The following NR3C2 variants were observed in gnomAD, a reference collection of about 807,000 sequenced individuals.
NR3C2 encodes the protein nuclear receptor subfamily 3 group C member 2, also known as mineralocorticoid receptor.
NR3C2 carries 15 observed loss-of-function variants against 86.4 expected under a neutral mutation model. The observed-to-expected ratio is 0.17, with a 90% CI of 0.12 to 0.27. NR3C2 has a LOEUF of 0.27. Among genes scored for constraint, NR3C2 ranks in the 10% least tolerant of loss-of-function variants. NR3C2 has a pLI of 1.00. For missense variants in NR3C2, 960 were observed against 1,195.6 expected, an observed-to-expected ratio of 0.80 and a Z score of 2.91; for synonymous variants, 458 against 450.5, an observed-to-expected ratio of 1.02 and a Z score of -0.21.
intron 2 of NR3C2, among the ~76,000 whole-genome samples, chr4:148,280,472 G>C (rs2149895781): frequency 6.6e-6 from 1 of 152,210 alleles, no homozygotes; most frequent in South Asian, 2.1e-4. Context: ...CATTGCCTTA[G>C]CATATCAAGT....
intron 3 of NR3C2, among the ~76,000 whole-genome samples, chr4:148,211,532 G>A (rs1737283628): frequency 6.6e-6 from 1 of 152,024 alleles, no homozygotes; most frequent in Non-Finnish European, 1.5e-5. Flanking sequence ...AAATATATTA[G>A]GAAAAAGCCT....
chr4:148,134,809 C>T lies in NR3C2; in HGVS notation c.2511-14521G>A, dbSNP rs1160735316. 9.2e-5 allele frequency among the ~76,000 whole-genome samples: 14 copies of T among 151,376 alleles called. No individual in the cohort carries two copies. In the East Asian group the frequency reaches 1.7e-3, roughly 19 times the overall value. On this transcript the variant is annotated intron_variant, in intron 6 of 8. Transcript: ENST00000358102. ...GATTACAGGTGTGCGCCACCTTGCC[C>T]GGCTAATTTTTGTATTTTTTTTTTT...
intron 2 of NR3C2, among the ~76,000 whole-genome samples, chr4:148,433,115 C>T (rs114992463): frequency 3.5e-3 from 533 of 152,242 alleles, no homozygotes; most frequent in African/African-American, 0.012. Flanking sequence ...CTAATTCATA[C>T]TAACATGTCT....
At chr4:148,095,652 G>A (rs552615366) in intron 8 of NR3C2, among the ~76,000 whole-genome samples, 130 of 152,342 alleles carry the variant, frequency 8.5e-4, no homozygotes, top group African/African-American at 2.6e-3. Flanking sequence ...GGACCTTAGA[G>A]GGAAGCTTAG....
At chr4:148,163,987 G>A (rs539510333) in intron 4 of NR3C2, among the ~76,000 whole-genome samples, 3 of 152,140 alleles carry the variant, frequency 2.0e-5, no homozygotes, top group African/African-American at 7.2e-5. Context: ...AAGGTCAAAG[G>A]GGGTGAGAAG....
chr4:148,102,736 A>C (rs990186686), intron 8 of NR3C2, among the ~76,000 whole-genome samples: 1 of 152,136 alleles, frequency 6.6e-6, no homozygotes, highest in Middle Eastern at 3.2e-3. Context: ...CATTCAGCAC[A>C]ACCTTCTGCA....
At chr4:148,209,095 T>C (rs1293885622) in intron 3 of NR3C2, among the ~76,000 whole-genome samples, 1 of 151,790 alleles carries the variant, frequency 6.6e-6, no homozygotes, top group Non-Finnish European at 1.5e-5. Context: ...ACTACAAAAA[T>C]TAGCTGGGTG....
At chr4:148,184,058 A>C (rs922403544) in intron 4 of NR3C2, among the ~76,000 whole-genome samples, 1 of 152,126 alleles carries the variant, frequency 6.6e-6, no homozygotes, top group Non-Finnish European at 1.5e-5. Context: ...CCTCTACAAC[A>C]AGAACTATCA....
intron 3 of NR3C2, among the ~76,000 whole-genome samples, chr4:148,256,354 T>C (rs1317688356): frequency 6.6e-6 from 1 of 152,190 alleles, no homozygotes; most frequent in Non-Finnish European, 1.5e-5. Context: ...TCAATGTGGT[T>C]GTATCATTTA....
chr4:148,287,136 A>G (rs1204934357), intron 2 of NR3C2, among the ~76,000 whole-genome samples: 1 of 152,250 alleles, frequency 6.6e-6, no homozygotes, highest in Non-Finnish European at 1.5e-5. Context: ...ATTATTAGCT[A>G]TGCATGGAAA....
intron 7 of NR3C2, among the ~76,000 whole-genome samples, chr4:148,115,525 C>T (rs1212937291): frequency 6.6e-6 from 1 of 152,074 alleles, no homozygotes; most frequent in Non-Finnish European, 1.5e-5. Flanking sequence ...TGCTAATTTC[C>T]CATAACTGGT....
At chr4:148,103,795 C>T (rs929693845) in intron 8 of NR3C2, among the ~76,000 whole-genome samples, 4 of 152,110 alleles carry the variant, frequency 2.6e-5, no homozygotes, top group South Asian at 2.1e-4. Context: ...TACCTCTACG[C>T]GGAGTTACAT....
At chr4:148,247,301 CT>C (rs1386205319) in intron 3 of NR3C2, among the ~76,000 whole-genome samples, 1 of 152,126 alleles carries the variant, frequency 6.6e-6, no homozygotes, top group Admixed American at 6.5e-5. Flanking sequence ...AAAATCATTT[CT>C]TTTTTGTTCA....
In NR3C2 at chr4:148,435,992, T is replaced by A; in HGVS notation, c.869A>T (p.Asn290Ile). 1 of 1,614,146 alleles carries A rather than the reference T, an allele frequency of 6.2e-7. No homozygotes were observed. The highest frequency in any genetic ancestry group is 8.5e-7 in the Non-Finnish European group (1 of 1,180,034). The change falls in exon 2 of 9, where the codon AAT becomes ATT. Residue 290 changes from asparagine (N) to isoleucine (I), a missense_variant. This residue lies in a region of NR3C2 where 680 missense variants were observed against 719.0 expected (regional missense o/e 0.95). Transcript: ENST00000358102. ...SVKSPVSSPNNVTLRSSVSSP... is the reference protein window; with the variant it reads ...SVKSPVSSPNIVTLRSSVSSP... Reference sequence around the variant, plus strand: ...AGACACAGAGGATCTCAGAGTGACATTATTGGGACTGGAGACTGGAGATTT... The same window carrying A: ...AGACACAGAGGATCTCAGAGTGACAATATTGGGACTGGAGACTGGAGATTT...
intron 2 of NR3C2, among the ~76,000 whole-genome samples, chr4:148,432,810 C>T (rs1010746793): frequency 1.3e-5 from 2 of 152,068 alleles, no homozygotes; most frequent in African/African-American, 4.8e-5. Context: ...TCTAGAAAAA[C>T]AACTAAATTT....
At chr4:148,329,259 TTC>T (rs797002393) in intron 2 of NR3C2, among the ~76,000 whole-genome samples, 1 of 152,206 alleles carries the variant, frequency 6.6e-6, no homozygotes, top group South Asian at 2.1e-4. Context: ...TTATGCATCT[TTC>T]TTTTTCTGTT....
At chr4:148,324,385 GTGTA>G (rs1743843367) in intron 2 of NR3C2, among the ~76,000 whole-genome samples, 1 of 150,890 alleles carries the variant, frequency 6.6e-6, no homozygotes, top group African/African-American at 2.4e-5. Flanking sequence ...GTGTTCCTGT[GTGTA>G]TGTGTCTGTA....
rs1435948424 is a variant in NR3C2 at position 148,357,111 on chromosome 4, T to C, written c.1757+77993A>G. On this transcript the variant is annotated intron_variant, in intron 2 of 8. Coordinates refer to ENST00000358102, the MANE Select transcript of NR3C2 (RefSeq NM_000901.5). ...AATACTCTAAAAACCTATAATCCCA[T>C]GGTAGATAATGGAAGGAATAGTGGG... 4.6e-5 allele frequency among the ~76,000 whole-genome samples: 7 copies of C among 152,150 alleles called. No homozygotes were observed. In the East Asian group the frequency reaches 1.3e-3, roughly 29 times the overall value.
chr4:148,330,825 C>G (rs1048841761), intron 2 of NR3C2, among the ~76,000 whole-genome samples: 3 of 152,072 alleles, frequency 2.0e-5, no homozygotes. Context: ...GGCACCATTC[C>G]CTTGGCGATG....
Sources: allele counts gnomAD v4.1 joint callset (sites outside exome capture counted in the v4.1 genomes callset), GRCh38; gene constraint gnomAD v4.1.1; regional missense constraint gnomAD v4.1.1; transcripts MANE v1.5; gene names NCBI Gene and HGNC (gene_info 2026-07-23, HGNC 2026-07-21).